The following RPTOR variants were observed in gnomAD, a reference collection of about 807,000 sequenced individuals.
RPTOR encodes the protein regulatory-associated protein of mTOR.
RPTOR carries 21 observed loss-of-function variants against 169.9 expected under a neutral mutation model. The observed-to-expected ratio is 0.12, with a 90% CI of 0.09 to 0.18. RPTOR has a LOEUF of 0.18. Ranked by LOEUF, RPTOR falls within the 10% of genes least tolerant of loss-of-function variation. The pLI, the probability that RPTOR is intolerant of heterozygous loss-of-function variation, is 1.00. For synonymous variants in RPTOR, 732 were observed against 753.2 expected (o/e 0.97, Z 0.46); for missense variants, 1,133 against 1,855.9 (o/e 0.61, Z 7.16).
At chr17:80,952,413 C>G (rs2069190664) in intron 28 of RPTOR, among the ~76,000 whole-genome samples, 1 of 152,220 alleles carries the variant, frequency 6.6e-6, no homozygotes, top group Non-Finnish European at 1.5e-5. Flanking sequence ...TCATCCTCCC[C>G]TGGAACTGAG....
chr17:80,581,985 A>G (rs1193130115), intron 1 of RPTOR, among the ~76,000 whole-genome samples: 3 of 152,170 alleles, frequency 2.0e-5, no homozygotes, highest in Non-Finnish European at 4.4e-5. Context: ...CTCTGGAGGA[A>G]CTTGGATACT....
At chr17:80,906,317 C>T (rs1364434383) in intron 20 of RPTOR, among the ~76,000 whole-genome samples, 1 of 152,164 alleles carries the variant, frequency 6.6e-6, no homozygotes, top group Non-Finnish European at 1.5e-5. Context: ...AGGGATGTTC[C>T]TACAGTCTGG....
At chr17:80,858,064 G>A (rs1000136404) in intron 13 of RPTOR, 164 bp downstream of exon 13, 6 of 632,538 alleles carry the variant, frequency 9.5e-6, no homozygotes, top group East Asian at 5.5e-5. Context: ...CGCCCGCCTC[G>A]GCAGCCACCT....
At chr17:80,885,294 A>G (rs534375489) in intron 17 of RPTOR, 146 bp downstream of exon 17, 14 of 1,058,368 alleles carry the variant, frequency 1.3e-5, no homozygotes, top group African/African-American at 9.6e-5. Flanking sequence ...TACATGTTTC[A>G]TTCTCTTCAA....
chr17:80,877,010 G>T (rs1184713991), intron 13 of RPTOR, among the ~76,000 whole-genome samples: 2 of 142,126 alleles, frequency 1.4e-5, no homozygotes, highest in African/African-American at 5.4e-5. Context: ...TGTGTGTGTC[G>T]CCTGCTGGGT....
At chr17:80,914,181 G>T (rs972705451) in intron 21 of RPTOR, among the ~76,000 whole-genome samples, 1 of 152,270 alleles carries the variant, frequency 6.6e-6, no homozygotes, top group East Asian at 1.9e-4. Context: ...AGCTGGGGAG[G>T]TGTGGCCAGG....
At chr17:80,700,454 ATGGTGG>A (rs759730484) in intron 3 of RPTOR, among the ~76,000 whole-genome samples, 26 of 100,982 alleles carry the variant, frequency 2.6e-4, no homozygotes, top group African/African-American at 5.4e-4. Context: ...GGTGGTGGTG[ATGGTGG>A]TGGTGGTGGT....
In RPTOR at chr17:80,892,733, A is replaced by G; in HGVS notation, c.2106A>G (p.Gly702=). ...YALPSPATTE[G]GSLTPVRDSP... ...GTCTTTCTCCTTCTTTCCCAGAGGG[A>G]GGGAGTTTGACCCCAGTGCGAGACA... The change falls in exon 19 of 34, where the codon GGA becomes GGG. Residue 702 remains glycine, a synonymous_variant. Coordinates refer to ENST00000306801, the MANE Select transcript of RPTOR (RefSeq NM_020761.3). 6.2e-7 allele frequency: 1 copy of G among 1,613,200 alleles called. No homozygotes were observed. Among genetic ancestry groups the G allele is most frequent in the Non-Finnish European group, 8.5e-7 (1 of 1,179,512 alleles).
At chr17:80,879,562 G>C (rs1036755341) in intron 13 of RPTOR, among the ~76,000 whole-genome samples, 2 of 151,976 alleles carry the variant, frequency 1.3e-5, no homozygotes, top group Non-Finnish European at 2.9e-5. Flanking sequence ...GCGTAAAGAG[G>C]TCTCCAAAAA....
At chr17:80,822,352 G>A (rs771610354) in intron 8 of RPTOR, 51 bp downstream of exon 8, 44 of 1,553,906 alleles carry the variant, frequency 2.8e-5, no homozygotes, top group Admixed American at 1.0e-4. Flanking sequence ...TTGAGTGCGC[G>A]GGGAGCCGAC....
intron 1 of RPTOR, among the ~76,000 whole-genome samples, chr17:80,594,021 G>A (rs192555173): frequency 2.0e-5 from 3 of 152,174 alleles, no homozygotes; most frequent in East Asian, 3.9e-4. Context: ...TGATATTGCC[G>A]TTCGTTCCTT....
At chr17:80,588,117 G>C (rs2065076862) in intron 1 of RPTOR, among the ~76,000 whole-genome samples, 1 of 151,110 alleles carries the variant, frequency 6.6e-6, no homozygotes, top group Non-Finnish European at 1.5e-5. Flanking sequence ...TTTTTTAATG[G>C]CTGAGTAGTA....
chr17:80,832,455 T>C (rs1419309882), intron 9 of RPTOR, among the ~76,000 whole-genome samples: 1 of 152,168 alleles, frequency 6.6e-6, no homozygotes. Flanking sequence ...TGGTCCAGCC[T>C]CATCCAGGGA....
At chr17:80,667,076 G>C (rs956435088) in intron 3 of RPTOR, among the ~76,000 whole-genome samples, 8 of 152,192 alleles carry the variant, frequency 5.3e-5, no homozygotes, top group Non-Finnish European at 8.8e-5. Context: ...CGGGAGGAAG[G>C]CGTTCCCGTC....
At chr17:80,557,835 AG>A (rs2084430120) in intron 1 of RPTOR, among the ~76,000 whole-genome samples, 3 of 148,534 alleles carry the variant, frequency 2.0e-5, no homozygotes. Flanking sequence ...CTGAGGCAGG[AG>A]AATCACTTGA....
intron 8 of RPTOR, 152 bp downstream of exon 8, chr17:80,822,453 C>G (rs1434525589): frequency 1.3e-6 from 1 of 748,574 alleles, no homozygotes; most frequent in Non-Finnish European, 2.3e-6. Context: ...AGGCGACCAC[C>G]TAAGGAGGTG....
intron 6 of RPTOR, among the ~76,000 whole-genome samples, chr17:80,776,608 G>A (rs1400339108): frequency 6.6e-6 from 1 of 152,190 alleles, no homozygotes; most frequent in African/African-American, 2.4e-5. Context: ...ACAGGTGTGA[G>A]TCACTGTGCC....
At chr17:80,556,794 A>AC (rs946805035) in intron 1 of RPTOR, among the ~76,000 whole-genome samples, 5 of 151,636 alleles carry the variant, frequency 3.3e-5, no homozygotes, top group South Asian at 2.1e-4. Flanking sequence ...AAAAAAAAAA[A>AC]AAAACTTAAA....
chr17:80,578,487 G>A (rs1327265741), intron 1 of RPTOR, among the ~76,000 whole-genome samples: 1 of 152,180 alleles, frequency 6.6e-6, no homozygotes, highest in Non-Finnish European at 1.5e-5. Context: ...CGTGGGCTCT[G>A]TTGCTTCTGA....
Sources: allele counts gnomAD v4.1 joint callset (sites outside exome capture counted in the v4.1 genomes callset), GRCh38; gene constraint gnomAD v4.1.1; transcripts MANE v1.5; gene names NCBI Gene and HGNC (gene_info 2026-07-23, HGNC 2026-07-21).